Variants in FBXL17 observed in about 807,000 individuals in gnomAD.
FBXL17 encodes the protein F-box/LRR-repeat protein 17.
Under a neutral mutation model 66.2 loss-of-function variants are expected in FBXL17, and 22 were observed. That is an observed-to-expected ratio of 0.33 (90% CI 0.24 to 0.47). FBXL17 has a LOEUF of 0.47. Ranked by LOEUF, FBXL17 falls within the 20% of genes least tolerant of loss-of-function variation. The pLI, the probability that FBXL17 is intolerant of heterozygous loss-of-function variation, is 1.00. For missense variants in FBXL17, 878 were observed against 948.2 expected (o/e 0.93, Z 0.97); for synonymous variants, 474 against 400.5 (o/e 1.18, Z -2.19).
chr5:107,876,091 C>T (rs1190248078), intron 8 of FBXL17, among the ~76,000 whole-genome samples: 1 of 152,244 alleles, frequency 6.6e-6, no homozygotes, highest in East Asian at 1.9e-4. Flanking sequence ...CCTCACAGCC[C>T]TCCAGGCGCC....
intron 4 of FBXL17, among the ~76,000 whole-genome samples, chr5:108,341,281 T>C (rs896492408): frequency 2.0e-5 from 3 of 152,180 alleles, no homozygotes; most frequent in South Asian, 2.1e-4. Flanking sequence ...TCACTAGATA[T>C]AAATTACATG....
intron 4 of FBXL17, among the ~76,000 whole-genome samples, chr5:108,265,224 TATCA>T (rs1756998901): frequency 6.6e-6 from 1 of 152,118 alleles, no homozygotes; most frequent in African/African-American, 2.4e-5. Flanking sequence ...TGAAATACTT[TATCA>T]GTCATTCTAC....
intron 6 of FBXL17, among the ~76,000 whole-genome samples, chr5:108,085,884 A>G: frequency 6.6e-6 from 1 of 152,162 alleles, no homozygotes; most frequent in East Asian, 1.9e-4. Context: ...AGATTATGGC[A>G]CTGCACTCCA....
chr5:108,085,341 C>T (rs1326839139), intron 6 of FBXL17, among the ~76,000 whole-genome samples: 1 of 152,220 alleles, frequency 6.6e-6, no homozygotes, highest in Non-Finnish European at 1.5e-5. Flanking sequence ...CAGCCAGAGG[C>T]ATTTTCCAAA....
intron 3 of FBXL17, 145 bp from the exon 4 acceptor site, chr5:108,348,675 T>A: frequency 1.2e-6 from 1 of 861,492 alleles, no homozygotes; most frequent in Non-Finnish European, 1.7e-6. Flanking sequence ...ATGTAAGCAA[T>A]CCATAACTTA....
At chr5:108,228,229 T>C (rs550751305) in intron 4 of FBXL17, among the ~76,000 whole-genome samples, 2 of 152,290 alleles carry the variant, frequency 1.3e-5, no homozygotes, top group East Asian at 1.9e-4. Flanking sequence ...GGGTATGTTT[T>C]AGGAGACTAA....
At chr5:108,213,738 T>TTCCTTGCCAGCTGTTC (rs1487011979) in intron 5 of FBXL17, among the ~76,000 whole-genome samples, 36 of 152,346 alleles carry the variant, frequency 2.4e-4, no homozygotes, top group Admixed American at 2.4e-3. Context: ...TATTCAGCCA[T>TTCCTTGCCAGCTGTTC]CTTGCCAGCA....
chr5:108,204,981 A>G (rs1337984848), intron 5 of FBXL17, among the ~76,000 whole-genome samples: 1 of 151,964 alleles, frequency 6.6e-6, no homozygotes, highest in African/African-American at 2.4e-5. Flanking sequence ...TGTGATCGAA[A>G]CTTACTGCAG....
At chr5:108,314,853 C>A (rs1348010273) in intron 4 of FBXL17, among the ~76,000 whole-genome samples, 1 of 151,248 alleles carries the variant, frequency 6.6e-6, no homozygotes, top group Non-Finnish European at 1.5e-5. Flanking sequence ...CAAAACACTG[C>A]AGACTAGGTT....
At chr5:108,238,195 T>G (rs34854088) in intron 4 of FBXL17, among the ~76,000 whole-genome samples, 22,242 of 152,260 alleles carry the variant, frequency 0.15, 1,940 homozygotes, top group South Asian at 0.33. Context: ...GGATTCACTT[T>G]ATAAATCATT....
intron 7 of FBXL17, among the ~76,000 whole-genome samples, chr5:107,963,124 G>A (rs568106192): frequency 6.6e-6 from 1 of 152,204 alleles, no homozygotes; most frequent in South Asian, 2.1e-4. Flanking sequence ...CTGGTGTCCT[G>A]ATCTTTTACT....
chr5:107,945,267 A>G (rs1445690523), intron 7 of FBXL17, among the ~76,000 whole-genome samples: 1 of 152,172 alleles, frequency 6.6e-6, no homozygotes, highest in Non-Finnish European at 1.5e-5. Context: ...AACATCAATC[A>G]TTGGCAAGGA....
chr5:107,910,581 T>C (rs1580704820), intron 7 of FBXL17, among the ~76,000 whole-genome samples: 1 of 151,842 alleles, frequency 6.6e-6, no homozygotes, highest in African/African-American at 2.4e-5. Flanking sequence ...AAAGAAGAAA[T>C]ATGAGGCATA....
intron 5 of FBXL17, among the ~76,000 whole-genome samples, chr5:108,220,297 G>A (rs1754803652): frequency 6.6e-6 from 1 of 152,022 alleles, no homozygotes; most frequent in Non-Finnish European, 1.5e-5. Context: ...TGGCCTTTCT[G>A]TTCTGTTTTG....
At chr5:108,219,421 C>T (rs760043008) in intron 5 of FBXL17, among the ~76,000 whole-genome samples, 1 of 152,142 alleles carries the variant, frequency 6.6e-6, no homozygotes, top group Non-Finnish European at 1.5e-5. Flanking sequence ...TGTGGTTGCT[C>T]ACGCCTGTAA....
intron 4 of FBXL17, among the ~76,000 whole-genome samples, chr5:108,232,078 G>A (rs1218536530): frequency 6.6e-6 from 1 of 152,238 alleles, no homozygotes; most frequent in East Asian, 1.9e-4. Context: ...ACCAGCGACA[G>A]AAACAAGGAC....
chr5:108,070,133 C>G (rs289228), intron 6 of FBXL17, among the ~76,000 whole-genome samples: 28,032 of 152,094 alleles, frequency 0.18, 2,870 homozygotes, highest in South Asian at 0.44. Flanking sequence ...TGTTAGAAAA[C>G]TCATCAAAAA....
chr5:107,987,735 T>C (rs1321842579), intron 7 of FBXL17, among the ~76,000 whole-genome samples: 1 of 152,112 alleles, frequency 6.6e-6, no homozygotes, highest in East Asian at 1.9e-4. Flanking sequence ...GTTGAATAGA[T>C]GCTATGAAAC....
chr5:107,942,327 G>C (rs1182332807), intron 7 of FBXL17, among the ~76,000 whole-genome samples: 1 of 152,142 alleles, frequency 6.6e-6, no homozygotes, highest in Admixed American at 6.6e-5. Context: ...CTTCCCAATG[G>C]CAGGTTCCAC....
Sources: allele counts gnomAD v4.1 joint callset (sites outside exome capture counted in the v4.1 genomes callset), GRCh38; gene constraint gnomAD v4.1.1; transcripts MANE v1.5; gene names NCBI Gene and HGNC (gene_info 2026-07-23, HGNC 2026-07-21).